DPH6: variants seen among roughly 807,000 people sequenced by gnomAD.
DPH6 encodes diphthamine biosynthesis 6.
In DPH6, 33 loss-of-function variants were observed where a neutral mutation model predicts 38.2. The observed-to-expected ratio is 0.86, with a 90% CI of 0.65 to 1.15. The LOEUF is 1.15. DPH6 is among the 50% of genes most tolerant of loss of function. The pLI, the probability that DPH6 is intolerant of heterozygous loss-of-function variation, is 0.00. For missense variants in DPH6, 325 were observed against 320.0 expected (o/e 1.02, Z -0.12); for synonymous variants, 108 against 103.0 (o/e 1.05, Z -0.30).
chr15:35,528,689 C>T (rs1368470239), intron 3 of DPH6, among the ~76,000 whole-genome samples: 2 of 152,088 alleles, frequency 1.3e-5, no homozygotes, highest in Admixed American at 1.3e-4. Context: ...ATTTGTTGAA[C>T]AGTAAGAAAT....
At chr15:35,321,179 T>C (rs2052237680) in intron 3 of DPH6, among the ~76,000 whole-genome samples, 1 of 152,244 alleles carries the variant, frequency 6.6e-6, no homozygotes, top group South Asian at 2.1e-4. Flanking sequence ...ACAAAGGCAG[T>C]TTAGCTTTGG....
intron 3 of DPH6, among the ~76,000 whole-genome samples, chr15:35,247,805 A>C (rs2051646368): frequency 6.6e-6 from 1 of 152,206 alleles, no homozygotes; most frequent in Non-Finnish European, 1.5e-5. Context: ...AATAAATTAA[A>C]AACTATGCAC....
At chr15:35,491,279 A>C (rs16961098) in intron 3 of DPH6, among the ~76,000 whole-genome samples, 40,053 of 151,962 alleles carry the variant, frequency 0.26, 9,281 homozygotes, top group African/African-American at 0.63. Flanking sequence ...CGCCTACATA[A>C]AGTACCTGGC....
chr15:35,205,336 G>T, the DPH6 span, among the ~76,000 whole-genome samples: 1 of 151,858 alleles, frequency 6.6e-6, no homozygotes. Context: ...TTGTCCATTT[G>T]TACTTGCCAG....
chr15:35,164,869 A>T, the DPH6 span, among the ~76,000 whole-genome samples: 8,993 of 151,890 alleles, frequency 0.059, 420 homozygotes, highest in East Asian at 0.25. Flanking sequence ...TTTTTTTGCA[A>T]AATTGATTCT....
chr15:35,163,162 T>G, the DPH6 span, among the ~76,000 whole-genome samples: 1 of 151,890 alleles, frequency 6.6e-6, no homozygotes, highest in Non-Finnish European at 1.5e-5. Context: ...ATATCACATA[T>G]TATTTGGGCT....
intron 3 of DPH6, among the ~76,000 whole-genome samples, chr15:35,532,362 G>A (rs2055101196): frequency 6.6e-6 from 1 of 152,212 alleles, no homozygotes; most frequent in East Asian, 1.9e-4. Context: ...TGATTAGGAG[G>A]CTCTCGCATA....
chr15:35,235,136 C>A (rs2051542389), intron 3 of DPH6, among the ~76,000 whole-genome samples: 1 of 152,206 alleles, frequency 6.6e-6, no homozygotes, highest in South Asian at 2.1e-4. Context: ...GCATTCACTT[C>A]CCTTTGGTAT....
At chr15:35,297,678 A>AT (rs2052024308) in intron 3 of DPH6, among the ~76,000 whole-genome samples, 1 of 151,690 alleles carries the variant, frequency 6.6e-6, no homozygotes, top group African/African-American at 2.4e-5. Context: ...ATATGCTGTG[A>AT]TTTTTCCATT....
intron 3 of DPH6, among the ~76,000 whole-genome samples, chr15:35,270,452 AAGT>A (rs2051815694): frequency 6.6e-6 from 1 of 152,186 alleles, no homozygotes; most frequent in South Asian, 2.1e-4. Context: ...TTTTGAATAG[AAGT>A]AGGTAGGATC....
chr15:35,405,659 T>C (rs561146438), intron 6 of DPH6, among the ~76,000 whole-genome samples: 2 of 152,250 alleles, frequency 1.3e-5, no homozygotes, highest in East Asian at 1.9e-4. Context: ...CAAGGATAAT[T>C]TGACTTCTTT....
chr15:35,178,710 A>G, the DPH6 span, among the ~76,000 whole-genome samples: 17 of 152,314 alleles, frequency 1.1e-4, no homozygotes, highest in East Asian at 2.5e-3. Flanking sequence ...GTAATTAAAA[A>G]TTAAATATAT....
At chr15:35,397,957 G>C (rs778553122) in intron 6 of DPH6, among the ~76,000 whole-genome samples, 1 of 149,064 alleles carries the variant, frequency 6.7e-6, no homozygotes, top group Non-Finnish European at 1.5e-5. Flanking sequence ...TCAACTCCTA[G>C]AAAAAAGCAA....
intron 3 of DPH6, among the ~76,000 whole-genome samples, chr15:35,227,712 T>A (rs2051492118): frequency 6.6e-6 from 1 of 152,060 alleles, no homozygotes; most frequent in African/African-American, 2.4e-5. Flanking sequence ...AGATACATTG[T>A]TAGGATGTTT....
chr15:35,514,128 C>A (rs974132196), intron 3 of DPH6, among the ~76,000 whole-genome samples: 4 of 151,944 alleles, frequency 2.6e-5, no homozygotes, highest in African/African-American at 9.7e-5. Flanking sequence ...TCTCAATTAA[C>A]CATAAAGAAG....
intron 3 of DPH6, among the ~76,000 whole-genome samples, chr15:35,357,185 GCTTT>G (rs1271789544): frequency 1.3e-5 from 2 of 152,228 alleles, no homozygotes; most frequent in Non-Finnish European, 2.9e-5. Context: ...GTCTATCACC[GCTTT>G]CTTTGACTAG....
At chr15:35,212,914 G>T (rs957142409), downstream of DPH6, among the ~76,000 whole-genome samples, 1 of 152,202 alleles carries the variant, frequency 6.6e-6, no homozygotes, top group African/African-American at 2.4e-5. Context: ...GAAAAGAGAA[G>T]AAGATTATTC....
At chr15:35,202,340 G>A in the DPH6 span, among the ~76,000 whole-genome samples, 3 of 151,814 alleles carry the variant, frequency 2.0e-5, no homozygotes, top group African/African-American at 4.8e-5. Context: ...GAACTTTCAT[G>A]TTACCACAGA....
At position 35,314,696 on chromosome 15, in the gene DPH6, T is replaced by G. The variant is rs537914079; in HGVS notation, n.200+58825A>C. On this transcript the variant is annotated intron_variant and non_coding_transcript_variant, in intron 3 of 3. Coordinates refer to the DPH6 transcript ENST00000560386. ...TCAGTGTCAACCATTCTATGGTCATTTGGTATTTGAAGCAAATTGGAAAGG... is the reference window on the plus strand; with the variant it reads ...TCAGTGTCAACCATTCTATGGTCATGTGGTATTTGAAGCAAATTGGAAAGG... 4.6e-5 allele frequency among the ~76,000 whole-genome samples: 7 copies of G among 152,268 alleles called. No individual in the cohort carries two copies. The South Asian group carries it at 1.5e-3, about 32-fold the overall frequency.
Sources: gnomAD v4.1 joint callset for allele counts (sites outside exome capture counted in the v4.1 genomes callset) on GRCh38, gnomAD v4.1.1 for gene constraint, MANE v1.5 for transcripts, NCBI Gene and HGNC (gene_info 2026-07-23, HGNC 2026-07-21) for gene names.